The following ETV6 variants were observed in gnomAD, a reference collection of about 807,000 sequenced individuals.
The protein encoded by ETV6 is ETS variant transcription factor 6.
Under a neutral mutation model 51.1 loss-of-function variants are expected in ETV6, and 16 were observed. The ratio of observed to expected loss-of-function variants is 0.31; its 90% CI spans 0.21 to 0.48. The LOEUF is 0.48. ETV6 is among the 20% of genes least tolerant of loss of function. ETV6 has a pLI of 0.99. For synonymous variants in ETV6, 240 were observed against 224.1 expected, an observed-to-expected ratio of 1.07 and a Z score of -0.64; for missense variants, 458 against 594.8, an observed-to-expected ratio of 0.77 and a Z score of 2.39.
chr12:11,848,836 G>T (rs1591717738), intron 3 of ETV6, among the ~76,000 whole-genome samples: 1 of 152,180 alleles, frequency 6.6e-6, no homozygotes, highest in Non-Finnish European at 1.5e-5. Context: ...AGGAACCAAC[G>T]AAAACCATGG....
intron 3 of ETV6, among the ~76,000 whole-genome samples, chr12:11,846,997 C>T (rs1946475943): frequency 1.3e-5 from 2 of 152,108 alleles, no homozygotes; most frequent in South Asian, 2.1e-4. Flanking sequence ...CTCAGCCTCC[C>T]GAGTAGCTGG....
chr12:11,666,503 G>C (rs1465339049), intron 1 of ETV6, among the ~76,000 whole-genome samples: 4 of 152,178 alleles, frequency 2.6e-5, no homozygotes, highest in African/African-American at 9.7e-5. Flanking sequence ...TATTTAAAGA[G>C]GGCAGTCTTA....
At chr12:11,735,657 A>G (rs1024452052) in intron 1 of ETV6, among the ~76,000 whole-genome samples, 2 of 152,054 alleles carry the variant, frequency 1.3e-5, no homozygotes, top group Non-Finnish European at 2.9e-5. Flanking sequence ...CTGGAGTGCA[A>G]TGGCACAATC....
intron 2 of ETV6, among the ~76,000 whole-genome samples, chr12:11,775,351 A>G (rs1050202836): frequency 2.6e-5 from 4 of 152,196 alleles, no homozygotes; most frequent in African/African-American, 9.7e-5. Flanking sequence ...AAACTTAACT[A>G]TTCACAACAA....
chr12:11,809,962 G>A (rs1945889536), intron 2 of ETV6, among the ~76,000 whole-genome samples: 1 of 151,828 alleles, frequency 6.6e-6, no homozygotes, highest in Non-Finnish European at 1.5e-5. Flanking sequence ...TGGGACTACA[G>A]GCACGCACCA....
chr12:11,894,656 T>A lies in ETV6; in HGVS notation c.*3610T>A, dbSNP rs1196748009. The A allele has an allele frequency of 8.6e-6, 2 of 233,142 alleles. No individual in the cohort carries two copies. Among genetic ancestry groups the A allele is most frequent in the African/African-American group, 4.4e-5 (2 of 45,348 alleles). 14.4% of individuals were successfully genotyped at this position (233,142 alleles called of 1,614,324 possible). A position where few individuals can be genotyped will look rare whatever the true frequency, so the allele number is the denominator to read the frequency against. On this transcript the variant is annotated 3_prime_UTR_variant, in exon 8 of 8. Transcript: ENST00000396373. Reference sequence around the variant, plus strand: ...TGGCTGTGACAATTTACCGAAATGATGAAGTAACCACCATTCCCACCTTTC... The same window carrying A: ...TGGCTGTGACAATTTACCGAAATGAAGAAGTAACCACCATTCCCACCTTTC...
At chr12:11,756,983 T>C (rs1222117504) in intron 2 of ETV6, among the ~76,000 whole-genome samples, 1 of 152,242 alleles carries the variant, frequency 6.6e-6, no homozygotes, top group African/African-American at 2.4e-5. Context: ...CATTTTGCAG[T>C]GTCCATTTGG....
chr12:11,655,508 A>T (rs1296746313), intron 1 of ETV6, among the ~76,000 whole-genome samples: 1 of 152,206 alleles, frequency 6.6e-6, no homozygotes, highest in African/African-American at 2.4e-5. Context: ...ATTTTTATTG[A>T]TTTTCCAAAC....
At chr12:11,880,485 C>G (rs1389726027) in intron 5 of ETV6, among the ~76,000 whole-genome samples, 1 of 151,024 alleles carries the variant, frequency 6.6e-6, no homozygotes, top group Non-Finnish European at 1.5e-5. Context: ...ACATGGCAGC[C>G]CAGTGCAGGT....
chr12:11,812,317 T>C (rs985165443), intron 2 of ETV6, among the ~76,000 whole-genome samples: 2 of 152,316 alleles, frequency 1.3e-5, no homozygotes, highest in East Asian at 3.9e-4. Flanking sequence ...GGCTGTACTA[T>C]GTGCTGTTAC....
At chr12:11,857,813 G>T (rs1419316309) in intron 4 of ETV6, among the ~76,000 whole-genome samples, 1 of 152,210 alleles carries the variant, frequency 6.6e-6, no homozygotes, top group Non-Finnish European at 1.5e-5. Flanking sequence ...CTCTGGCTCT[G>T]TCTCCCCAGT....
intron 1 of ETV6, among the ~76,000 whole-genome samples, chr12:11,751,074 T>G (rs1490500087): frequency 1.3e-5 from 2 of 152,132 alleles, no homozygotes; most frequent in African/African-American, 2.4e-5. Flanking sequence ...CCCTACTTGC[T>G]TCTGGTGGGT....
At chr12:11,688,304 T>A (rs538742367) in intron 1 of ETV6, among the ~76,000 whole-genome samples, 1 of 152,340 alleles carries the variant, frequency 6.6e-6, no homozygotes, top group Admixed American at 6.5e-5. Context: ...AAAGGCACTT[T>A]GACCTGATCC....
intron 1 of ETV6, among the ~76,000 whole-genome samples, chr12:11,681,612 T>C (rs1378048659): frequency 6.6e-6 from 1 of 152,184 alleles, no homozygotes; most frequent in Non-Finnish European, 1.5e-5. Flanking sequence ...CTGGGATACA[T>C]GTGCAGAATG....
At chr12:11,766,018 G>A (rs533661931) in intron 2 of ETV6, among the ~76,000 whole-genome samples, 4 of 152,210 alleles carry the variant, frequency 2.6e-5, no homozygotes, top group East Asian at 1.9e-4. Flanking sequence ...AACTCTTGGC[G>A]GCTCACAGGA....
intron 1 of ETV6, among the ~76,000 whole-genome samples, chr12:11,723,033 C>T (rs145595625): frequency 1.3e-5 from 2 of 152,274 alleles, no homozygotes; most frequent in African/African-American, 4.8e-5. Flanking sequence ...AGCTGAGCTC[C>T]GAAGTCAGAC....
intron 1 of ETV6, among the ~76,000 whole-genome samples, chr12:11,732,007 C>T (rs1204782533): frequency 1.3e-5 from 2 of 152,128 alleles, no homozygotes; most frequent in Non-Finnish European, 2.9e-5. Flanking sequence ...TTGGGTCACC[C>T]AAGAAGGCGA....
intron 1 of ETV6, among the ~76,000 whole-genome samples, chr12:11,717,754 ATTG>A (rs1336312332): frequency 6.6e-6 from 1 of 152,170 alleles, no homozygotes; most frequent in Non-Finnish European, 1.5e-5. Flanking sequence ...CCTATAGTTT[ATTG>A]TTGTTGATGA....
At chr12:11,786,934 T>G (rs920741597) in intron 2 of ETV6, among the ~76,000 whole-genome samples, 1 of 152,194 alleles carries the variant, frequency 6.6e-6, no homozygotes, top group Admixed American at 6.5e-5. Context: ...AGTGCCTGCA[T>G]AATTGATACT....
Sources: gnomAD v4.1 joint callset for allele counts (sites outside exome capture counted in the v4.1 genomes callset) on GRCh38, gnomAD v4.1.1 for gene constraint, MANE v1.5 for transcripts, NCBI Gene and HGNC (gene_info 2026-07-23, HGNC 2026-07-21) for gene names.